The following ZEB2 variants were observed in gnomAD, a reference collection of about 807,000 sequenced individuals.
ZEB2 encodes zinc finger E-box-binding homeobox 2.
In ZEB2, 6 loss-of-function variants were observed where a neutral mutation model predicts 99.9. The ratio of observed to expected loss-of-function variants is 0.06; its 90% CI spans 0.03 to 0.12. ZEB2 has a LOEUF of 0.12. Ranked by LOEUF, ZEB2 falls within the 10% of genes least tolerant of loss-of-function variation. The pLI is 1.00. For synonymous variants in ZEB2, 517 were observed against 542.5 expected (o/e 0.95, Z 0.65); for missense variants, 969 against 1,502.8 (o/e 0.64, Z 5.87).
chr2:144,391,464 T>C (rs1703153275), intron 9 of ZEB2, among the ~76,000 whole-genome samples: 1 of 152,236 alleles, frequency 6.6e-6, no homozygotes, highest in Admixed American at 6.5e-5. Context: ...GCTCATACTC[T>C]GAAGAAAGCA....
intron 4 of ZEB2, among the ~76,000 whole-genome samples, chr2:144,410,147 G>A (rs948719989): frequency 1.3e-5 from 2 of 152,050 alleles, no homozygotes; most frequent in African/African-American, 4.8e-5. Context: ...CTGACCTCGT[G>A]ATCCACCCAC....
intron 2 of ZEB2, among the ~76,000 whole-genome samples, chr2:144,435,192 C>G (rs1367695704): frequency 6.6e-6 from 1 of 152,094 alleles, no homozygotes; most frequent in Non-Finnish European, 1.5e-5. Context: ...TTTGCAAATG[C>G]TTCCTCAAGT....
chr2:144,487,151 C>A (rs1479997853), intron 2 of ZEB2, among the ~76,000 whole-genome samples: 1 of 148,046 alleles, frequency 6.8e-6, no homozygotes. Context: ...TATCTCTCTG[C>A]TTTTTTTTTT....
intron 2 of ZEB2, among the ~76,000 whole-genome samples, chr2:144,508,763 G>A (rs1362744445): frequency 2.6e-5 from 4 of 151,924 alleles, no homozygotes; most frequent in South Asian, 2.1e-4. Flanking sequence ...ATCACTGTCC[G>A]AACTGGCCTC....
At chr2:144,513,319 G>A in intron 2 of ZEB2, 1 of 1,297,626 alleles carries the variant, frequency 7.7e-7, no homozygotes, top group Non-Finnish European at 1.0e-6. Context: ...AAAGCCCTGA[G>A]AACATTCAAC....
intron 2 of ZEB2, among the ~76,000 whole-genome samples, chr2:144,442,332 T>A (rs578232206): frequency 8.5e-5 from 13 of 152,304 alleles, no homozygotes; most frequent in African/African-American, 3.1e-4. Context: ...AAATATTCAG[T>A]TAAATTATTT....
At chr2:144,407,886 G>C (rs1703409644) in intron 4 of ZEB2, among the ~76,000 whole-genome samples, 1 of 152,178 alleles carries the variant, frequency 6.6e-6, no homozygotes, top group African/African-American at 2.4e-5. Flanking sequence ...GCAACTATTT[G>C]AATGATCTGG....
intron 2 of ZEB2, among the ~76,000 whole-genome samples, chr2:144,483,583 G>T (rs1312863369): frequency 6.6e-6 from 1 of 152,200 alleles, no homozygotes; most frequent in Non-Finnish European, 1.5e-5. Flanking sequence ...AACAGAAAAA[G>T]TTCATGATCT....
rs61750440 is a variant in ZEB2, at chr2:144,429,933, A to G, written c.167T>C (p.Leu56Pro). 2.7e-5 allele frequency: 43 copies of G among 1,613,672 alleles called. No individual in the cohort carries two copies. The highest frequency in any genetic ancestry group is 3.6e-5 in the Non-Finnish European group (42 of 1,179,878). ...IAEDDGIANP[L>P]DQETSPASVP... ...ACTAGCTGGACTCGTCTCCTGGTCC[A>G]GAGGGTTGGCAATACCGTCATCCTC... The change falls in exon 3 of 10, where the codon CTG becomes CCG. Residue 56 changes from leucine to proline, a missense_variant. This residue lies in a region of ZEB2 where 173 missense variants were observed against 217.7 expected (regional missense o/e 0.79). Coordinates refer to ENST00000627532, the MANE Select transcript of ZEB2 (RefSeq NM_014795.4).
At chr2:144,497,156 A>T (rs1489434382) in intron 2 of ZEB2, among the ~76,000 whole-genome samples, 1 of 151,886 alleles carries the variant, frequency 6.6e-6, no homozygotes, top group Non-Finnish European at 1.5e-5. Flanking sequence ...ATATGACAAC[A>T]GTCTCCTCAA....
intron 2 of ZEB2, among the ~76,000 whole-genome samples, chr2:144,491,639 CA>C (rs1163064456): frequency 2.6e-5 from 4 of 152,020 alleles, no homozygotes; most frequent in African/African-American, 9.7e-5. Flanking sequence ...GGAAATGGTT[CA>C]AAAAACCTTG....
At chr2:144,441,348 C>T (rs897282831) in intron 2 of ZEB2, among the ~76,000 whole-genome samples, 3 of 152,128 alleles carry the variant, frequency 2.0e-5, no homozygotes, top group Admixed American at 2.0e-4. Flanking sequence ...TGGCAAAAGT[C>T]AGATAGTCAC....
intron 2 of ZEB2, among the ~76,000 whole-genome samples, chr2:144,431,894 A>C (rs1369389121): frequency 6.6e-6 from 1 of 150,510 alleles, no homozygotes; most frequent in Non-Finnish European, 1.5e-5. Context: ...CTTTCAACCC[A>C]CCTCCTAAAA....
At chr2:144,416,347 A>T (rs567126629) in intron 4 of ZEB2, among the ~76,000 whole-genome samples, 30 of 152,308 alleles carry the variant, frequency 2.0e-4, no homozygotes, top group Non-Finnish European at 3.5e-4. Flanking sequence ...AACGTATCTT[A>T]AAAAAATCTT....
chr2:144,421,220 T>C (rs990217390), intron 4 of ZEB2, among the ~76,000 whole-genome samples: 2 of 152,148 alleles, frequency 1.3e-5, no homozygotes, highest in Non-Finnish European at 2.9e-5. Context: ...CCAGGATCCA[T>C]GGCGATAAAG....
At chr2:144,396,724 C>T in intron 8 of ZEB2, 132 bp from the exon 9 acceptor site, 2 of 935,716 alleles carry the variant, frequency 2.1e-6, no homozygotes, top group Non-Finnish European at 3.3e-6. Context: ...ATTTTTTTTT[C>T]CATGAACAAT....
intron 2 of ZEB2, among the ~76,000 whole-genome samples, chr2:144,491,335 C>G (rs1420037307): frequency 7.2e-6 from 1 of 138,476 alleles, no homozygotes; most frequent in Admixed American, 7.4e-5. Context: ...CTTGCCACTT[C>G]GTCTTTCGTT....
chr2:144,417,088 A>G (rs1215674586), intron 4 of ZEB2, among the ~76,000 whole-genome samples: 2 of 152,090 alleles, frequency 1.3e-5, no homozygotes, highest in Non-Finnish European at 2.9e-5. Context: ...AATGACAGTG[A>G]CTCTTCTTTT....
intron 4 of ZEB2, among the ~76,000 whole-genome samples, chr2:144,414,515 G>A (rs535068565): frequency 5.1e-4 from 77 of 151,996 alleles, no homozygotes; most frequent in Admixed American, 2.1e-3. Context: ...CGGCTAGTGC[G>A]GTCCAGTAAT....
Sources: gnomAD v4.1 joint callset for allele counts (sites outside exome capture counted in the v4.1 genomes callset) on GRCh38, gnomAD v4.1.1 for gene constraint, gnomAD v4.1.1 regional missense constraint, MANE v1.5 for transcripts, NCBI Gene and HGNC (gene_info 2026-07-23, HGNC 2026-07-21) for gene names.